PIP4K2A: variants seen among roughly 807,000 people sequenced by gnomAD.
PIP4K2A encodes phosphatidylinositol-5-phosphate 4-kinase type 2 alpha.
Under a neutral mutation model 42.9 loss-of-function variants are expected in PIP4K2A, and 14 were observed. That is an observed-to-expected ratio of 0.33 (90% CI 0.22 to 0.51). PIP4K2A has a LOEUF of 0.51. PIP4K2A is among the 20% of genes least tolerant of loss of function. The pLI is 0.97. For synonymous variants in PIP4K2A, 192 were observed against 192.2 expected (o/e 1.00, Z 0.01); for missense variants, 434 against 519.8 (o/e 0.83, Z 1.61).
chr10:22,682,148 G>C (rs1445422274), intron 1 of PIP4K2A, among the ~76,000 whole-genome samples: 1 of 152,134 alleles, frequency 6.6e-6, no homozygotes, highest in Middle Eastern at 3.2e-3. Flanking sequence ...GGAGTACTCT[G>C]TTGCATACCT....
At chr10:22,598,723 T>C (rs1454775844) in intron 3 of PIP4K2A, among the ~76,000 whole-genome samples, 3 of 152,220 alleles carry the variant, frequency 2.0e-5, no homozygotes, top group African/African-American at 4.8e-5. Context: ...CTCTGTTATC[T>C]GATTATCTGC....
At chr10:22,666,447 T>C (rs1176213297) in intron 1 of PIP4K2A, among the ~76,000 whole-genome samples, 2 of 152,358 alleles carry the variant, frequency 1.3e-5, no homozygotes, top group South Asian at 2.1e-4. Flanking sequence ...CAGCTTTTTA[T>C]GCAGCAGGAA....
At chr10:22,542,940 G>A (rs1836161087) in intron 7 of PIP4K2A, among the ~76,000 whole-genome samples, 1 of 152,162 alleles carries the variant, frequency 6.6e-6, no homozygotes, top group African/African-American at 2.4e-5. Flanking sequence ...TGGGCTCAGG[G>A]TCCAGGAAGG....
At chr10:22,555,192 G>A (rs1418044354) in intron 6 of PIP4K2A, among the ~76,000 whole-genome samples, 1 of 152,132 alleles carries the variant, frequency 6.6e-6, no homozygotes, top group Non-Finnish European at 1.5e-5. Flanking sequence ...GAGACAAACT[G>A]AAGCCCATGG....
chr10:22,616,928 T>A (rs1024138968), intron 1 of PIP4K2A, among the ~76,000 whole-genome samples: 1 of 152,242 alleles, frequency 6.6e-6, no homozygotes, highest in African/African-American at 2.4e-5. Context: ...ATACACAATA[T>A]CCTTGAAGGA....
intron 1 of PIP4K2A, among the ~76,000 whole-genome samples, chr10:22,642,983 T>C (rs1333538281): frequency 1.3e-5 from 2 of 152,192 alleles, no homozygotes; most frequent in East Asian, 3.9e-4. Context: ...ATCACGCTCC[T>C]GAATATGAGA....
At chr10:22,682,587 C>G (rs1839684850) in intron 1 of PIP4K2A, among the ~76,000 whole-genome samples, 1 of 152,166 alleles carries the variant, frequency 6.6e-6, no homozygotes, top group Non-Finnish European at 1.5e-5. Flanking sequence ...ACAAAGTACA[C>G]AAAGAACAAA....
intron 4 of PIP4K2A, among the ~76,000 whole-genome samples, chr10:22,588,936 C>T (rs898585536): frequency 2.6e-5 from 4 of 152,186 alleles, no homozygotes; most frequent in Middle Eastern, 3.4e-3. Flanking sequence ...CTGTTAAAGC[C>T]CCTGGGAGGT....
chr10:22,549,563 C>T (rs945863206), intron 7 of PIP4K2A, among the ~76,000 whole-genome samples: 2 of 151,426 alleles, frequency 1.3e-5, no homozygotes, highest in African/African-American at 4.8e-5. Flanking sequence ...TTTTTTTGGC[C>T]GGGCTTGGTG....
intron 1 of PIP4K2A, among the ~76,000 whole-genome samples, chr10:22,653,522 A>G (rs907960934): frequency 3.3e-5 from 5 of 152,194 alleles, no homozygotes; most frequent in Non-Finnish European, 5.9e-5. Flanking sequence ...GCAGATGCAC[A>G]CTGGGAAGGC....
chr10:22,653,727 G>T (rs529430316), intron 1 of PIP4K2A, among the ~76,000 whole-genome samples: 2 of 152,162 alleles, frequency 1.3e-5, no homozygotes, highest in South Asian at 4.2e-4. Flanking sequence ...CAGCCTGGCC[G>T]GCATGGCGAA....
intron 1 of PIP4K2A, among the ~76,000 whole-genome samples, chr10:22,616,694 T>TA (rs778465196): frequency 6.7e-6 from 1 of 149,324 alleles, no homozygotes; most frequent in African/African-American, 2.5e-5. Flanking sequence ...GATTCCTTAT[T>TA]TAAAAAAAAA....
intron 1 of PIP4K2A, among the ~76,000 whole-genome samples, chr10:22,669,459 TG>T (rs1839408434): frequency 6.6e-6 from 1 of 150,790 alleles, no homozygotes; most frequent in Non-Finnish European, 1.5e-5. Flanking sequence ...TATGCATAAA[TG>T]AAAAAAACAA....
At chr10:22,670,002 A>T (rs144631074) in intron 1 of PIP4K2A, among the ~76,000 whole-genome samples, 18 of 152,264 alleles carry the variant, frequency 1.2e-4, no homozygotes, top group African/African-American at 3.9e-4. Context: ...GGCTACCATG[A>T]CCTATTGTGT....
chr10:22,672,400 TAAAG>T (rs1228446809), intron 1 of PIP4K2A, among the ~76,000 whole-genome samples: 4 of 152,192 alleles, frequency 2.6e-5, no homozygotes, highest in Non-Finnish European at 4.4e-5. Flanking sequence ...AAAAAATGGA[TAAAG>T]AGATTTGTCT....
At chr10:22,673,260 T>C (rs1356653639) in intron 1 of PIP4K2A, among the ~76,000 whole-genome samples, 2 of 152,268 alleles carry the variant, frequency 1.3e-5, no homozygotes, top group African/African-American at 4.8e-5. Flanking sequence ...CTAAGCTGTC[T>C]TATAATTATG....
intron 1 of PIP4K2A, among the ~76,000 whole-genome samples, chr10:22,612,789 T>A (rs1838083803): frequency 6.6e-6 from 1 of 152,160 alleles, no homozygotes; most frequent in Non-Finnish European, 1.5e-5. Flanking sequence ...TTGAGCTTGT[T>A]AAACTTCATG....
intron 1 of PIP4K2A, among the ~76,000 whole-genome samples, chr10:22,637,565 T>C (rs1258683372): frequency 6.6e-6 from 1 of 152,200 alleles, no homozygotes; most frequent in Non-Finnish European, 1.5e-5. Flanking sequence ...AGCCAGCATC[T>C]TGCATGCCCT....
At chr10:22,558,767 G>A (rs1027212139) in intron 6 of PIP4K2A, among the ~76,000 whole-genome samples, 1 of 152,186 alleles carries the variant, frequency 6.6e-6, no homozygotes, top group African/African-American at 2.4e-5. Context: ...ATCTGTTTAT[G>A]TATGAATGTG....
Sources: gnomAD v4.1 joint callset for allele counts (sites outside exome capture counted in the v4.1 genomes callset) on GRCh38, gnomAD v4.1.1 for gene constraint, MANE v1.5 for transcripts, NCBI Gene and HGNC (gene_info 2026-07-23, HGNC 2026-07-21) for gene names.